Variants in VPS13B observed in about 807,000 individuals in gnomAD.
VPS13B encodes the protein vacuolar protein sorting 13 homolog B.
In VPS13B, 285 loss-of-function variants were observed where a neutral mutation model predicts 426.4. That is an observed-to-expected ratio of 0.67 (90% CI 0.61 to 0.74). The LOEUF is 0.74. Ranked by LOEUF, VPS13B falls within the 30% of genes least tolerant of loss-of-function variation. The pLI is 0.00. For missense variants in VPS13B, 4,537 were observed against 4,782.6 expected (o/e 0.95, Z 1.51); for synonymous variants, 1,676 against 1,676.4 (o/e 1.00, Z 0.01).
At chr8:99,692,266 A>T (rs1483124794) in intron 35 of VPS13B, among the ~76,000 whole-genome samples, 4 of 148,010 alleles carry the variant, frequency 2.7e-5, no homozygotes, top group African/African-American at 1.0e-4. Context: ...CACCACACCT[A>T]TTCCAAAATT....
At chr8:99,562,418 T>C (rs1824976592) in intron 31 of VPS13B, among the ~76,000 whole-genome samples, 1 of 152,094 alleles carries the variant, frequency 6.6e-6, no homozygotes, top group Non-Finnish European at 1.5e-5. Flanking sequence ...GTACCTGGGA[T>C]GACAGGCATC....
chr8:99,684,977 A>AT (rs1243653967), intron 35 of VPS13B, among the ~76,000 whole-genome samples: 2 of 151,910 alleles, frequency 1.3e-5, no homozygotes, highest in African/African-American at 4.8e-5. Flanking sequence ...AATTTTTTGT[A>AT]TTTTTAGTAG....
intron 19 of VPS13B, among the ~76,000 whole-genome samples, chr8:99,319,785 CA>C (rs1588246606): frequency 3.9e-5 from 6 of 152,104 alleles, no homozygotes; most frequent in Admixed American, 3.3e-4. Flanking sequence ...TGATATTGGA[CA>C]AGATAATCGA....
At chr8:99,809,231 A>C (rs984152244) in intron 43 of VPS13B, 144 bp from the exon 44 acceptor site, 2 of 989,494 alleles carry the variant, frequency 2.0e-6, no homozygotes, top group African/African-American at 3.2e-5. Context: ...AATAAGTTGG[A>C]AGTGGATGAA....
intron 13 of VPS13B, among the ~76,000 whole-genome samples, chr8:99,144,832 T>G (rs1350991720): frequency 2.0e-5 from 3 of 152,182 alleles, no homozygotes; most frequent in Non-Finnish European, 2.9e-5. Context: ...TTAAAATATT[T>G]CAGTCATTGA....
At chr8:99,115,604 T>C in intron 6 of VPS13B, 96 bp from the exon 7 acceptor site, 1 of 1,186,078 alleles carries the variant, frequency 8.4e-7, no homozygotes, top group Non-Finnish European at 1.2e-6. Flanking sequence ...ATTTCTTTTA[T>C]GTTATGCCAT....
intron 25 of VPS13B, among the ~76,000 whole-genome samples, chr8:99,490,843 A>C (rs1319181774): frequency 6.6e-6 from 1 of 152,080 alleles, no homozygotes. Context: ...TGATCTTTTC[A>C]AAAAACGAGC....
At chr8:99,313,173 A>G (rs2133105752) in intron 19 of VPS13B, among the ~76,000 whole-genome samples, 1 of 152,244 alleles carries the variant, frequency 6.6e-6, no homozygotes, top group East Asian at 1.9e-4. Context: ...CAACTCGTCA[A>G]AGTCGTTCTC....
intron 55 of VPS13B, among the ~76,000 whole-genome samples, chr8:99,851,295 A>G (rs1816282281): frequency 6.6e-6 from 1 of 152,230 alleles, no homozygotes; most frequent in Non-Finnish European, 1.5e-5. Context: ...GCATGGGATG[A>G]GGATACATCC....
chr8:99,826,854 T>C (rs1181317380), intron 51 of VPS13B, among the ~76,000 whole-genome samples: 1 of 152,198 alleles, frequency 6.6e-6, no homozygotes, highest in African/African-American at 2.4e-5. Context: ...TTGGTTCTGT[T>C]CATGTGATGG....
intron 25 of VPS13B, among the ~76,000 whole-genome samples, chr8:99,500,158 A>C (rs1032092964): frequency 1.3e-5 from 2 of 152,020 alleles, no homozygotes; most frequent in Admixed American, 6.5e-5. Flanking sequence ...TGGAATACTG[A>C]CCATATTATA....
chr8:99,666,968 G>A (rs1830513023), intron 35 of VPS13B, among the ~76,000 whole-genome samples: 1 of 152,114 alleles, frequency 6.6e-6, no homozygotes, highest in Admixed American at 6.6e-5. Flanking sequence ...TGTTTCTTAA[G>A]ATACTTTTCA....
intron 5 of VPS13B, among the ~76,000 whole-genome samples, chr8:99,105,247 T>C (rs902293699): frequency 6.6e-6 from 1 of 152,214 alleles, no homozygotes; most frequent in Non-Finnish European, 1.5e-5. Context: ...CTCCTTTGCA[T>C]CTTCTGTGGA....
chr8:99,371,442 T>G lies in VPS13B; in HGVS notation c.2825-12766T>G, dbSNP rs549504452. 6.6e-5 allele frequency among the ~76,000 whole-genome samples: 10 copies of G among 152,308 alleles called. No homozygotes were observed. The East Asian group carries it at 1.9e-3, about 29-fold the overall frequency. Reference sequence around the variant, plus strand: ...AGGCCTCTGTTCTGTTCCAAGGGTTTATATATTTGTTTTGGTACCAGTACC... The same window carrying G: ...AGGCCTCTGTTCTGTTCCAAGGGTTGATATATTTGTTTTGGTACCAGTACC... On this transcript the variant is annotated intron_variant, in intron 19 of 61. Coordinates refer to ENST00000357162, the MANE Select transcript of VPS13B (RefSeq NM_152564.5).
At chr8:99,764,389 T>C (rs573169339) in intron 39 of VPS13B, among the ~76,000 whole-genome samples, 46 of 151,654 alleles carry the variant, frequency 3.0e-4, no homozygotes, top group African/African-American at 1.1e-3. Context: ...TGTCTTTTTG[T>C]GTTAATATAG....
intron 17 of VPS13B, among the ~76,000 whole-genome samples, chr8:99,256,566 T>G (rs1440549279): frequency 6.6e-6 from 1 of 152,126 alleles, no homozygotes; most frequent in Non-Finnish European, 1.5e-5. Flanking sequence ...ATTATTATTA[T>G]TTTTTTAAAT....
intron 24 of VPS13B, among the ~76,000 whole-genome samples, chr8:99,479,125 C>T (rs111797444): frequency 0.012 from 1,798 of 152,196 alleles, 32 homozygotes; most frequent in African/African-American, 0.041. Flanking sequence ...CTTCATCAGC[C>T]CTGTATCTTG....
intron 39 of VPS13B, among the ~76,000 whole-genome samples, chr8:99,728,009 T>C (rs1440933521): frequency 6.6e-6 from 1 of 152,226 alleles, no homozygotes; most frequent in Non-Finnish European, 1.5e-5. Context: ...TGGCTCCCAG[T>C]GTAGTCTGTC....
chr8:99,310,267 C>T (rs1389110992), intron 19 of VPS13B, among the ~76,000 whole-genome samples: 1 of 152,136 alleles, frequency 6.6e-6, no homozygotes, highest in Non-Finnish European at 1.5e-5. Flanking sequence ...TGCCGGTTTT[C>T]AAAGGGAATG....
Sources: gnomAD v4.1 joint callset for allele counts (sites outside exome capture counted in the v4.1 genomes callset) on GRCh38, gnomAD v4.1.1 for gene constraint, MANE v1.5 for transcripts, NCBI Gene and HGNC (gene_info 2026-07-23, HGNC 2026-07-21) for gene names.